Variants in PLEKHA8 observed in about 807,000 individuals in gnomAD.
PLEKHA8 encodes the protein pleckstrin homology domain containing A8, also known as pleckstrin homology domain-containing family A member 8.
Under a neutral mutation model 68.2 loss-of-function variants are expected in PLEKHA8, and 36 were observed. That is an observed-to-expected ratio of 0.53 (90% CI 0.40 to 0.70). The LOEUF (loss-of-function observed/expected upper bound fraction) is 0.70, where lower values mean the gene tolerates loss of function less well. Among genes scored for constraint, PLEKHA8 ranks in the 30% least tolerant of loss-of-function variants. The pLI is 0.00. For synonymous variants in PLEKHA8, 211 were observed against 216.1 expected, an observed-to-expected ratio of 0.98 and a Z score of 0.20; for missense variants, 505 against 615.4, an observed-to-expected ratio of 0.82 and a Z score of 1.90.
At chr7:30,067,932 A>C (rs904872701) in intron 12 of PLEKHA8, among the ~76,000 whole-genome samples, 2 of 152,248 alleles carry the variant, frequency 1.3e-5, no homozygotes, top group African/African-American at 2.4e-5. Flanking sequence ...TACAATGTAC[A>C]CGTTCCTTTC....
chr7:30,096,843 T>C (rs1795640871), intron 13 of PLEKHA8, among the ~76,000 whole-genome samples: 2 of 152,212 alleles, frequency 1.3e-5, no homozygotes, highest in Admixed American at 1.3e-4. Flanking sequence ...TCAATATTGT[T>C]ATGTGTGAAT....
chr7:30,079,304 G>A lies in PLEKHA8; in HGVS notation c.*517G>A. 1 of 988,434 alleles carries A rather than the reference G, an allele frequency of 1.0e-6. No homozygotes were observed. The highest frequency in any genetic ancestry group is 1.2e-6 in the Non-Finnish European group (1 of 831,922). 61.2% of individuals were successfully genotyped at this position (988,434 alleles called of 1,614,324 possible). ...TTCACTGCAACTCTGTCAGTGATAA[G>A]GGCCTGTGTAGTAAAGATGTTCAGG... On this transcript the variant is annotated 3_prime_UTR_variant, in exon 14 of 14. Coordinates refer to ENST00000449726, the MANE Select transcript of PLEKHA8 (RefSeq NM_001197026.2).
chr7:30,079,259 A>G lies in PLEKHA8; in HGVS notation c.*472A>G. On this transcript the variant is annotated 3_prime_UTR_variant, in exon 14 of 14. Coordinates refer to ENST00000449726, the MANE Select transcript of PLEKHA8 (RefSeq NM_001197026.2). ...GCTGTGTAGAGTTTGCTGTTCCTAGATGTTCTTCAGTGGACCCTCTTCACT... is the reference window on the plus strand; with the variant it reads ...GCTGTGTAGAGTTTGCTGTTCCTAGGTGTTCTTCAGTGGACCCTCTTCACT... 3.0e-6 allele frequency: 3 copies of G among 990,390 alleles called. No individual in the cohort carries two copies. The highest frequency in any genetic ancestry group is 3.6e-6 in the Non-Finnish European group (3 of 833,118). The allele number at this position is 990,390 out of a possible 1,614,324, so 61.4% of individuals were successfully genotyped here. A position where few individuals can be genotyped will look rare whatever the true frequency, so the allele number is the denominator to read the frequency against.
At chr7:30,051,396 G>GTT (rs201885140) in intron 6 of PLEKHA8, among the ~76,000 whole-genome samples, 282 of 144,378 alleles carry the variant, frequency 2.0e-3, no homozygotes, top group African/African-American at 6.5e-3. Flanking sequence ...TTGAAATATG[G>GTT]TTTTTTTTTT....
downstream of PLEKHA8, among the ~76,000 whole-genome samples, chr7:30,093,842 C>T (rs1795505798): frequency 6.6e-6 from 1 of 152,182 alleles, no homozygotes; most frequent in Non-Finnish European, 1.5e-5. Flanking sequence ...ATGGAAACCA[C>T]GTTGGACTTG....
chr7:30,094,741 G>T (rs1240947024), downstream of PLEKHA8, among the ~76,000 whole-genome samples: 1 of 134,454 alleles, frequency 7.4e-6, no homozygotes. Context: ...TGTTCTCATT[G>T]TTCAATTCCC....
At chr7:30,118,635 T>C (rs1440720136) in intron 13 of PLEKHA8, among the ~76,000 whole-genome samples, 1 of 151,616 alleles carries the variant, frequency 6.6e-6, no homozygotes, top group Non-Finnish European at 1.5e-5. Flanking sequence ...TGGAGTGCAG[T>C]GGCGCGATCT....
At chr7:30,074,624 G>C (rs1196408117) in intron 13 of PLEKHA8, among the ~76,000 whole-genome samples, 2 of 152,134 alleles carry the variant, frequency 1.3e-5, no homozygotes, top group East Asian at 3.9e-4. Flanking sequence ...CAACCTAATA[G>C]CTCCCTCTGC....
At chr7:30,045,812 T>G (rs1791907626) in intron 2 of PLEKHA8, among the ~76,000 whole-genome samples, 1 of 152,210 alleles carries the variant, frequency 6.6e-6, no homozygotes, top group Non-Finnish European at 1.5e-5. Context: ...TATTTTTGAT[T>G]GTTTCCCAAT....
At chr7:30,128,008 A>G (rs747871732) in intron 13 of PLEKHA8, among the ~76,000 whole-genome samples, 3 of 150,022 alleles carry the variant, frequency 2.0e-5, no homozygotes, top group Admixed American at 6.6e-5. Context: ...TGCCTATTGT[A>G]TATTTTCCCA....
At chr7:30,073,184 A>G (rs927917790) in intron 12 of PLEKHA8, among the ~76,000 whole-genome samples, 2 of 152,198 alleles carry the variant, frequency 1.3e-5, no homozygotes, top group African/African-American at 2.4e-5. Context: ...AGTTCTCACC[A>G]ATTACTTTAG....
At chr7:30,109,569 C>A (rs1353965001) in intron 13 of PLEKHA8, among the ~76,000 whole-genome samples, 2 of 103,718 alleles carry the variant, frequency 1.9e-5, no homozygotes, top group Non-Finnish European at 3.5e-5. Context: ...GCCTGGGCAA[C>A]GAGTGAAACT....
At chr7:30,029,730 G>C (rs1790512044) in intron 1 of PLEKHA8, among the ~76,000 whole-genome samples, 1 of 152,210 alleles carries the variant, frequency 6.6e-6, no homozygotes, top group South Asian at 2.1e-4. Context: ...GTATCCCTTA[G>C]AGTGGGTGAG....
chr7:30,039,245 G>A (rs1253941656), intron 1 of PLEKHA8, among the ~76,000 whole-genome samples: 3 of 152,170 alleles, frequency 2.0e-5, no homozygotes, highest in Non-Finnish European at 4.4e-5. Flanking sequence ...CAGGTGCGGT[G>A]GCTCACACCT....
At chr7:30,106,006 AT>A (rs144572589) in intron 13 of PLEKHA8, among the ~76,000 whole-genome samples, 2 of 149,730 alleles carry the variant, frequency 1.3e-5, no homozygotes, top group Non-Finnish European at 3.0e-5. Context: ...ATTATGTGAT[AT>A]TTTTCCTAAT....
intron 13 of PLEKHA8, among the ~76,000 whole-genome samples, chr7:30,098,615 G>A (rs756836619): frequency 9.2e-5 from 14 of 152,360 alleles, no homozygotes; most frequent in South Asian, 2.1e-4. Context: ...CTCCGTGGGC[G>A]TAGGACCCTC....
intron 9 of PLEKHA8, among the ~76,000 whole-genome samples, chr7:30,056,098 A>C (rs1421292111): frequency 6.6e-6 from 1 of 150,618 alleles, no homozygotes; most frequent in Non-Finnish European, 1.5e-5. Flanking sequence ...GCCTGCCACC[A>C]CACCTGGCTA....
rs527490331 is a variant in PLEKHA8 at position 30,115,933 on chromosome 7, T to C, written c.1363-13333T>C. 2.4e-4 allele frequency: 26 copies of C among 109,332 alleles called. 1 individual carries two copies. In the East Asian group the frequency reaches 4.3e-3, roughly 18 times the overall value. The allele number at this position is 109,332 out of a possible 1,614,324, so 6.8% of individuals were successfully genotyped here. ...ATGCATGCGTGCGTGTACATACATG[T>C]ATACATGCACACATACGCATACATG... On this transcript the variant is annotated intron_variant, in intron 13 of 13. Transcript: ENST00000396257.
At chr7:30,075,770 G>A (rs972782905) in intron 13 of PLEKHA8, among the ~76,000 whole-genome samples, 1 of 152,284 alleles carries the variant, frequency 6.6e-6, no homozygotes, top group East Asian at 1.9e-4. Context: ...CTGAAATATT[G>A]ATGATCCCAG....
Sources: allele counts gnomAD v4.1 joint callset (sites outside exome capture counted in the v4.1 genomes callset), GRCh38; gene constraint gnomAD v4.1.1; transcripts MANE v1.5; gene names NCBI Gene and HGNC (gene_info 2026-07-23, HGNC 2026-07-21).